The following USP7 variants were observed in gnomAD, a reference collection of about 807,000 sequenced individuals.
The protein encoded by USP7 is ubiquitin specific peptidase 7.
In USP7, 9 loss-of-function variants were observed where a neutral mutation model predicts 162.9. The observed-to-expected ratio is 0.06, with a 90% CI of 0.03 to 0.10. USP7 has a LOEUF of 0.10. Ranked by LOEUF, USP7 falls within the 10% of genes least tolerant of loss-of-function variation. USP7 has a pLI of 1.00. For missense variants in USP7, 715 were observed against 1,373.7 expected (o/e 0.52, Z 7.58); for synonymous variants, 562 against 475.9 (o/e 1.18, Z -2.35).
intron 30 of USP7, 72 bp downstream of exon 30, chr16:8,894,478 C>T: frequency 6.7e-7 from 1 of 1,493,270 alleles, no homozygotes; most frequent in Non-Finnish European, 9.1e-7. Context: ...TGGGGCTGCC[C>T]CTCCCAGCCC....
chr16:8,928,254 C>T (rs1898122994), intron 2 of USP7, among the ~76,000 whole-genome samples: 1 of 152,186 alleles, frequency 6.6e-6, no homozygotes, highest in Admixed American at 6.5e-5. Context: ...AGTTTGGCTA[C>T]AGACCAAACT....
chr16:8,906,637 C>A, intron 12 of USP7, 55 bp from the exon 13 acceptor site: 2 of 1,544,542 alleles, frequency 1.3e-6, no homozygotes, highest in Admixed American at 1.9e-5. Context: ...AAAAATATCA[C>A]ACTTTACAGT....
chr16:8,936,953 G>A (rs936208965), intron 1 of USP7, among the ~76,000 whole-genome samples: 6 of 152,136 alleles, frequency 3.9e-5, no homozygotes, highest in Admixed American at 6.5e-5. Context: ...TTAACAACCC[G>A]AGAAAGTCGC....
At position 8,894,116 on chromosome 16, in the gene USP7, G is replaced by A. The variant is rs754032861; in HGVS notation, c.3203-12C>T. On this transcript the variant is annotated splice_polypyrimidine_tract_variant and intron_variant, in intron 30 of 30. Coordinates refer to ENST00000344836, the MANE Select transcript of USP7 (RefSeq NM_003470.3). The stretch of plus-strand genomic sequence containing the variant: ...ATGAGACATATTACCTGGTGGGGAT[G>A]AAGAAAAGCAAGTGAGGCCACAGAG... 1 of 1,612,854 alleles carries A rather than the reference G, an allele frequency of 6.2e-7. No homozygotes were observed. The highest frequency in any genetic ancestry group is 8.5e-7 in the Non-Finnish European group (1 of 1,178,804).
intron 11 of USP7, among the ~76,000 whole-genome samples, chr16:8,909,475 A>G (rs1371909164): frequency 6.6e-6 from 1 of 152,226 alleles, no homozygotes; most frequent in Non-Finnish European, 1.5e-5. Flanking sequence ...TGTTTTTAAT[A>G]CAGTCTGAAA....
At chr16:8,935,201 AT>A (rs35380091) in intron 1 of USP7, among the ~76,000 whole-genome samples, 10,001 of 136,300 alleles carry the variant, frequency 0.073, 295 homozygotes, top group Middle Eastern at 0.16. Flanking sequence ...TAAGGCACTA[AT>A]TTTTTTTTTT....
intron 1 of USP7, among the ~76,000 whole-genome samples, chr16:8,952,605 C>T (rs1443034548): frequency 1.3e-5 from 2 of 152,102 alleles, no homozygotes; most frequent in Non-Finnish European, 2.9e-5. Flanking sequence ...ACTAGGCCCA[C>T]CTGGGGCATG....
intron 3 of USP7, 145 bp from the exon 4 acceptor site, chr16:8,921,440 A>G: frequency 1.1e-6 from 1 of 896,258 alleles, no homozygotes; most frequent in Non-Finnish European, 1.6e-6. Flanking sequence ...GGTAGGATGG[A>G]GGCATTTTTA....
chr16:8,922,917 TCAGA>T (rs1207508512), intron 3 of USP7, among the ~76,000 whole-genome samples: 1 of 152,202 alleles, frequency 6.6e-6, no homozygotes, highest in Non-Finnish European at 1.5e-5. Context: ...CATTTTCTGC[TCAGA>T]CAGTTACTGA....
intron 1 of USP7, chr16:8,936,642 T>C (rs1898745657): frequency 6.4e-7 from 1 of 1,554,742 alleles, no homozygotes; most frequent in Non-Finnish European, 8.6e-7. Context: ...TGGCCTCTGC[T>C]GGGGGATGGG....
At chr16:8,923,506 T>A in intron 2 of USP7, 93 bp from the exon 3 acceptor site, 1 of 1,323,770 alleles carries the variant, frequency 7.6e-7, no homozygotes, top group Non-Finnish European at 1.0e-6. Flanking sequence ...CTATACATCC[T>A]GATTTAACTG....
intron 2 of USP7, chr16:8,929,299 TGCCCTC>T: frequency 5.7e-6 from 2 of 352,326 alleles, no homozygotes; most frequent in South Asian, 4.2e-5. Flanking sequence ...CCCACACCAT[TGCCCTC>T]GTCTACGGTG....
intron 1 of USP7, among the ~76,000 whole-genome samples, chr16:8,946,878 A>G (rs1231960944): frequency 6.6e-6 from 1 of 152,274 alleles, no homozygotes; most frequent in Non-Finnish European, 1.5e-5. Context: ...AATAAAATGT[A>G]TCAACATTTA....
intron 11 of USP7, 129 bp from the exon 12 acceptor site, chr16:8,908,579 G>A (rs1567215686): frequency 2.8e-6 from 2 of 715,044 alleles, no homozygotes; most frequent in Admixed American, 3.0e-5. Context: ...GGAAGTTTAG[G>A]TGTCCATTTA....
In USP7 at chr16:8,930,360, G is replaced by T. The variant is rs747795179; in HGVS notation, c.117C>A (p.Asn39Lys). Residue 39 changes from asparagine (N) to lysine (K), a missense_variant, in exon 2 of 31, where the codon AAC becomes AAA. Around this residue, in one of 11 missense-constraint regions of USP7, gnomAD observed 137 missense variants for 123.5 expected, o/e 1.11. Coordinates refer to ENST00000344836, the MANE Select transcript of USP7 (RefSeq NM_003470.3). ...DTDDPPRITQ[N>K]PVINGNVALS... is the part of the protein sequence containing the mutation. The stretch of plus-strand genomic sequence containing the variant: ...GGGCCACATTCCCATTGATCACAGG[G>T]TTCTGAGTAATTCTTGGTGGGTCAT... 6.2e-7 allele frequency: 1 copy of T among 1,612,894 alleles called. No individual in the cohort carries two copies.
chr16:8,927,701 T>C (rs1444599968), intron 2 of USP7, among the ~76,000 whole-genome samples: 20 of 152,104 alleles, frequency 1.3e-4, no homozygotes, highest in Non-Finnish European at 5.9e-5. Flanking sequence ...CCAGGCGTGG[T>C]GGCATTTGCC....
In USP7 at chr16:8,963,532, GCGGGC is replaced by G. The variant is rs1307817649; in HGVS notation, c.-252_-248del. The G allele has an allele frequency of 7.2e-6, 1 of 138,810 alleles. No individual in the cohort carries two copies. 8.6% of individuals were successfully genotyped at this position (138,810 alleles called of 1,614,324 possible). A position where few individuals can be genotyped will look rare whatever the true frequency, so the allele number is the denominator to read the frequency against. ...CGGCGCCGAGGCGGGCGGGCGGCCGGCGGGCCGGGCCGGGCGGCCTCGTCGCTCGC... is the reference window on the plus strand; with the variant it reads ...CGGCGCCGAGGCGGGCGGGCGGCCGGCGGGCCGGGCGGCCTCGTCGCTCGC... On this transcript the variant is annotated 5_prime_UTR_variant, in exon 1 of 31. Coordinates refer to ENST00000344836, the MANE Select transcript of USP7 (RefSeq NM_003470.3).
At chr16:8,914,927 A>G (rs943222423) in intron 10 of USP7, among the ~76,000 whole-genome samples, 1 of 152,256 alleles carries the variant, frequency 6.6e-6, no homozygotes, top group Admixed American at 6.5e-5. Context: ...CAACAGCGAA[A>G]TAAACAAACA....
intron 1 of USP7, among the ~76,000 whole-genome samples, chr16:8,942,107 G>A (rs948945348): frequency 2.6e-5 from 4 of 152,256 alleles, no homozygotes; most frequent in Non-Finnish European, 5.9e-5. Flanking sequence ...AACAGGAACA[G>A]GGCAGTGGGA....
Sources: gnomAD v4.1 joint callset for allele counts (sites outside exome capture counted in the v4.1 genomes callset) on GRCh38, gnomAD v4.1.1 for gene constraint, gnomAD v4.1.1 regional missense constraint, MANE v1.5 for transcripts, NCBI Gene and HGNC (gene_info 2026-07-23, HGNC 2026-07-21) for gene names.